The following KIAA1549L variants were observed in gnomAD, a reference collection of about 807,000 sequenced individuals.
KIAA1549L encodes UPF0606 protein KIAA1549L.
KIAA1549L carries 88 observed loss-of-function variants against 160.7 expected under a neutral mutation model. The observed-to-expected ratio is 0.55, with a 90% CI of 0.46 to 0.65. KIAA1549L has a LOEUF of 0.65. KIAA1549L is among the 30% of genes least tolerant of loss of function. The probability of loss-of-function intolerance (pLI) is 0.00; values close to 1 mark genes in which losing one functional copy is unlikely to be tolerated. For missense variants in KIAA1549L, 2,258 were observed against 2,437.5 expected, an observed-to-expected ratio of 0.93 and a Z score of 1.55; for synonymous variants, 950 against 976.7, an observed-to-expected ratio of 0.97 and a Z score of 0.51.
chr11:33,414,241 G>A (rs201934197), intron 1 of KIAA1549L, among the ~76,000 whole-genome samples: 5 of 152,278 alleles, frequency 3.3e-5, no homozygotes, highest in Non-Finnish European at 7.4e-5. Flanking sequence ...AGAATCATAC[G>A]AAAATTAAGC....
chr11:33,378,218 G>A (rs550312708), intron 1 of KIAA1549L, among the ~76,000 whole-genome samples: 1 of 152,190 alleles, frequency 6.6e-6, no homozygotes, highest in Non-Finnish European at 1.5e-5. Context: ...GTCCTTGGTC[G>A]TTTTTGTGAA....
chr11:33,463,809 A>G (rs1004318407), intron 1 of KIAA1549L, among the ~76,000 whole-genome samples: 6 of 152,196 alleles, frequency 3.9e-5, no homozygotes, highest in Non-Finnish European at 7.3e-5. Context: ...TGGAATGAGG[A>G]TGAGCCAATT....
chr11:33,667,673 C>T (rs1039814177), intron 20 of KIAA1549L, among the ~76,000 whole-genome samples, 200 bp from the exon 21 acceptor site: 9 of 152,162 alleles, frequency 5.9e-5, no homozygotes, highest in South Asian at 2.1e-4. Context: ...GGATTACAGG[C>T]GTGAGCCACC....
At chr11:33,620,063 A>G (rs1382466727) in intron 16 of KIAA1549L, among the ~76,000 whole-genome samples, 5 of 152,220 alleles carry the variant, frequency 3.3e-5, no homozygotes, top group African/African-American at 9.6e-5. Flanking sequence ...AGACACCTTG[A>G]CAGTTTTGAG....
chr11:33,376,807 C>G lies in KIAA1549L; in HGVS notation c.156C>G (p.His52Gln), dbSNP rs962826194. The G allele has an allele frequency of 1.3e-5, 2 of 152,076 alleles. No homozygotes were observed. The highest frequency in any genetic ancestry group is 2.4e-5 in the African/African-American group (1 of 41,424). The allele number at this position is 152,076 out of a possible 1,614,324, so 9.4% of individuals were successfully genotyped here. Residue 52 changes from histidine to glutamine, a missense_variant, in exon 1 of 21, where the codon CAC becomes CAG. His to Gln is a conservative substitution (Grantham distance 24). This residue lies in a region of KIAA1549L where 540 missense variants were observed against 465.7 expected (regional missense o/e 1.16). Coordinates refer to ENST00000658780, the MANE Select transcript of KIAA1549L (RefSeq NM_012194.3). This position sits in a 1 kb window ranked among gnomAD's most constrained non-coding sequence, Gnocchi z 5.8. ...GGGGCCCCGGGGCCGGCGCGTCCCA[C>G]GATGCGCCCCCGCGGCCACCGACGC... The part of the protein sequence containing the change: ...GVRGPGAGAS[H>Q]DAPPRPPTLL...
intron 4 of KIAA1549L, among the ~76,000 whole-genome samples, chr11:33,550,685 G>T (rs1261432196): frequency 6.6e-6 from 1 of 152,122 alleles, no homozygotes; most frequent in Non-Finnish European, 1.5e-5. Context: ...ATAAGAAAGT[G>T]ATTTTCCCCA....
chr11:33,666,404 C>T (rs1852454292), intron 20 of KIAA1549L, among the ~76,000 whole-genome samples: 1 of 152,168 alleles, frequency 6.6e-6, no homozygotes, highest in Non-Finnish European at 1.5e-5. Flanking sequence ...TTCCCTTTGC[C>T]CAGAATCCCC....
intron 16 of KIAA1549L, among the ~76,000 whole-genome samples, chr11:33,622,440 T>A (rs1225164596): frequency 6.6e-6 from 1 of 151,952 alleles, no homozygotes; most frequent in Non-Finnish European, 1.5e-5. Context: ...AACACCGAGG[T>A]TAAGAAAACA....
chr11:33,493,056 T>C (rs1419536222), intron 1 of KIAA1549L, among the ~76,000 whole-genome samples: 1 of 152,156 alleles, frequency 6.6e-6, no homozygotes, highest in Non-Finnish European at 1.5e-5. Flanking sequence ...ACCTCCACTT[T>C]ATGATGGTGA....
intron 1 of KIAA1549L, among the ~76,000 whole-genome samples, chr11:33,458,589 G>C (rs1260413031): frequency 1.3e-5 from 2 of 152,228 alleles, no homozygotes; most frequent in Non-Finnish European, 2.9e-5. Context: ...AAGCTGGCCT[G>C]TCTTACAGAT....
intron 7 of KIAA1549L, 147 bp from the exon 8 acceptor site, chr11:33,561,529 G>A: frequency 1.5e-6 from 1 of 666,076 alleles, no homozygotes; most frequent in Non-Finnish European, 2.7e-6. Flanking sequence ...CTACTCAGGA[G>A]GCTTAGGTGC....
Position 33,391,131 on chromosome 11 carries a change from A to G in KIAA1549L, c.238+14242A>G, listed in dbSNP as rs118157425. On this transcript the variant is annotated intron_variant, in intron 1 of 20. Coordinates refer to ENST00000658780, the MANE Select transcript of KIAA1549L (RefSeq NM_012194.3). Reference sequence around the variant, plus strand: ...AGCTTCAAATACTGTGTATAGTCCCAATGGTACAACCTAGTAGGCACTCAG... The same window carrying G: ...AGCTTCAAATACTGTGTATAGTCCCGATGGTACAACCTAGTAGGCACTCAG... Among the ~76,000 whole-genome samples, 1,085 of 152,358 alleles carry G rather than the reference A, an allele frequency of 7.1e-3. 9 individuals carry two copies. The highest frequency in any genetic ancestry group is 0.012 in the Non-Finnish European group (823 of 68,026).
intron 11 of KIAA1549L, among the ~76,000 whole-genome samples, chr11:33,590,945 A>T (rs1850035158): frequency 6.6e-6 from 1 of 152,178 alleles, no homozygotes; most frequent in South Asian, 2.1e-4. Context: ...CTTAAAATTC[A>T]TGGTCTAAAA....
chr11:33,530,987 G>A (rs1396824812), intron 1 of KIAA1549L, among the ~76,000 whole-genome samples: 1 of 152,172 alleles, frequency 6.6e-6, no homozygotes, highest in Non-Finnish European at 1.5e-5. Context: ...AACATCATCT[G>A]GAAATAAAAT....
At chr11:33,432,504 T>C (rs1453410124) in intron 1 of KIAA1549L, among the ~76,000 whole-genome samples, 1 of 152,192 alleles carries the variant, frequency 6.6e-6, no homozygotes, top group East Asian at 1.9e-4. Flanking sequence ...TGTGTGTTCT[T>C]TCTGGGCATG....
At chr11:33,403,260 G>GACAC (rs1565121709) in intron 1 of KIAA1549L, 2 of 3,444 alleles carry the variant, frequency 5.8e-4, no homozygotes, top group African/African-American at 2.0e-3. Flanking sequence ...CACACACACA[G>GACAC]ACACAGACAC....
At chr11:33,556,952 T>C (rs1412198173) in intron 6 of KIAA1549L, among the ~76,000 whole-genome samples, 5 of 152,222 alleles carry the variant, frequency 3.3e-5, no homozygotes, top group African/African-American at 1.2e-4. Flanking sequence ...TTGCAAACTT[T>C]GTAGGCTTCC....
intron 1 of KIAA1549L, among the ~76,000 whole-genome samples, chr11:33,522,850 G>T (rs938879795): frequency 2.6e-5 from 4 of 151,366 alleles, no homozygotes; most frequent in African/African-American, 9.7e-5. Context: ...AATGAGCTAT[G>T]ATTGCGCCAC....
At chr11:33,397,099 A>C (rs1039219550) in intron 1 of KIAA1549L, among the ~76,000 whole-genome samples, 1 of 151,428 alleles carries the variant, frequency 6.6e-6, no homozygotes, top group Admixed American at 6.6e-5. Flanking sequence ...TTGGGAGACC[A>C]AGGTGGGTGG....
Sources: allele counts gnomAD v4.1 joint callset (sites outside exome capture counted in the v4.1 genomes callset), GRCh38; gene constraint gnomAD v4.1.1; regional missense constraint gnomAD v4.1.1; non-coding constraint Gnocchi (gnomAD v3.1); transcripts MANE v1.5; gene names NCBI Gene and HGNC (gene_info 2026-07-23, HGNC 2026-07-21).